The following ATP6V0A2 variants were observed in gnomAD, a reference collection of about 807,000 sequenced individuals.
ATP6V0A2 encodes the protein V-type proton ATPase 116 kDa subunit a 2.
In ATP6V0A2, 58 loss-of-function variants were observed where a neutral mutation model predicts 104.4. The ratio of observed to expected loss-of-function variants is 0.56; its 90% CI spans 0.45 to 0.69. The LOEUF (loss-of-function observed/expected upper bound fraction) is 0.69, where lower values mean the gene tolerates loss of function less well. Among genes scored for constraint, ATP6V0A2 ranks in the 30% least tolerant of loss-of-function variants. The probability of loss-of-function intolerance (pLI) is 0.00; values close to 1 mark genes in which losing one functional copy is unlikely to be tolerated. For synonymous variants in ATP6V0A2, 376 were observed against 397.9 expected (o/e 0.95, Z 0.65); for missense variants, 938 against 1,062.9 (o/e 0.88, Z 1.63).
chr12:123,740,110 C>T (rs1307848622), intron 9 of ATP6V0A2, among the ~76,000 whole-genome samples: 1 of 151,760 alleles, frequency 6.6e-6, no homozygotes, highest in Non-Finnish European at 1.5e-5. Flanking sequence ...CTGCATTGCA[C>T]TCCAGCCTGA....
At chr12:123,745,296 A>G (rs1011351290) in intron 13 of ATP6V0A2, among the ~76,000 whole-genome samples, 6 of 152,172 alleles carry the variant, frequency 3.9e-5, no homozygotes, top group Non-Finnish European at 5.9e-5. Context: ...TCTTCCTCGT[A>G]TATGTGAACT....
At chr12:123,751,546 C>T (rs961507063) in intron 16 of ATP6V0A2, among the ~76,000 whole-genome samples, 1 of 151,994 alleles carries the variant, frequency 6.6e-6, no homozygotes, top group South Asian at 2.1e-4. Context: ...CCCAGGTACT[C>T]GGGAGGCTGA....
Position 123,712,409 on chromosome 12 carries a change from G to A in ATP6V0A2, c.-157G>A. The A allele has an allele frequency of 2.6e-6, 1 of 389,084 alleles. No homozygotes were observed. 24.1% of individuals were successfully genotyped at this position (389,084 alleles called of 1,614,324 possible). ...GAGCGGCGGCCGCGGTGGCAGAACCGGGGGCGGCCGCTGCAGTCTGGAGCC... is the reference window on the plus strand; with the variant it reads ...GAGCGGCGGCCGCGGTGGCAGAACCAGGGGCGGCCGCTGCAGTCTGGAGCC... On this transcript the variant is annotated 5_prime_UTR_variant, in exon 1 of 20. Transcript: ENST00000330342.
rs1411781432 is a variant in ATP6V0A2 at position 123,758,631 on chromosome 12, C to T, written c.*599C>T. On this transcript the variant is annotated 3_prime_UTR_variant, in exon 20 of 20. Transcript: ENST00000330342. ...CGCCTCCTGGATTCAGGTGATTCTC[C>T]TGTCTCAGCCTCCCGAGTAACTGGG... is the stretch of plus-strand genomic sequence containing the variant. 6.6e-6 allele frequency: 1 copy of T among 152,078 alleles called. No individual in the cohort carries two copies. The highest frequency in any genetic ancestry group is 1.5e-5 in the Non-Finnish European group (1 of 68,146). The allele number at this position is 152,078 out of a possible 1,614,324, so 9.4% of individuals were successfully genotyped here.
At position 123,755,678 on chromosome 12, in the gene ATP6V0A2, T is replaced by C. The variant is rs144080565; in HGVS notation, c.2294-1137T>C. Among the ~76,000 whole-genome samples the C allele has an allele frequency of 6.7e-3, 1,020 of 151,762 alleles. 9 individuals carry two copies. The highest frequency in any genetic ancestry group is 0.023 in the African/African-American group (951 of 41,490). On this transcript the variant is annotated intron_variant, in intron 18 of 19. Transcript: ENST00000330342. ...CTGTTCAAACTACCCTAATAAACTTTTTTTTTTTTTTAAATAACAGACAAA... is the reference window on the plus strand; with the variant it reads ...CTGTTCAAACTACCCTAATAAACTTCTTTTTTTTTTTAAATAACAGACAAA...
rs368324464 is a variant in ATP6V0A2 at position 123,752,436 on chromosome 12, A to G, written c.2175+34A>G. 3.2e-4 allele frequency: 511 copies of G among 1,611,262 alleles called. No individual in the cohort carries two copies. The highest frequency in any genetic ancestry group is 4.1e-4 in the Non-Finnish European group (480 of 1,177,536). On this transcript the variant is annotated intron_variant, in intron 17 of 19. Coordinates refer to ENST00000330342, the MANE Select transcript of ATP6V0A2 (RefSeq NM_012463.4). ...TTTCAACTGCTATTGATAAACTTAG[A>G]TAAGTAACCAAGCTTCCATAGAGAT...
At position 123,751,661 on chromosome 12, in the gene ATP6V0A2, ATAAG is replaced by A. The variant is rs149774917; in HGVS notation, c.2055+436_2055+439del. On this transcript the variant is annotated intron_variant, in intron 16 of 19. Transcript: ENST00000330342. ...AGAGCAAGACTCTGTCTCAAAATAA[ATAAG>A]TAAATGAAACATTGATGTTGAAAGA... Among the ~76,000 whole-genome samples, 1,125 of 152,166 alleles carry A rather than the reference ATAAG, an allele frequency of 7.4e-3. 11 individuals are homozygous for A. Among genetic ancestry groups the A allele is most frequent in the African/African-American group, 0.026 (1,074 of 41,500 alleles).
intron 18 of ATP6V0A2, among the ~76,000 whole-genome samples, chr12:123,755,324 G>A (rs953716975): frequency 4.6e-5 from 7 of 152,040 alleles, no homozygotes; most frequent in Non-Finnish European, 8.8e-5. Context: ...GATCACCTGA[G>A]GTCAGGAGTT....
chr12:123,729,671 G>A (rs931662395), intron 6 of ATP6V0A2, among the ~76,000 whole-genome samples: 2 of 152,106 alleles, frequency 1.3e-5, no homozygotes, highest in Non-Finnish European at 2.9e-5. Flanking sequence ...TCTACTAAAG[G>A]TGGAAAAGGA....
At chr12:123,743,605 A>G (rs1956629888) in intron 9 of ATP6V0A2, among the ~76,000 whole-genome samples, 180 bp from the exon 10 acceptor site, 1 of 151,654 alleles carries the variant, frequency 6.6e-6, no homozygotes, top group South Asian at 2.1e-4. Flanking sequence ...GTGAGCCGAG[A>G]TCACACCATT....
At chr12:123,741,401 A>G (rs1242623960) in intron 9 of ATP6V0A2, among the ~76,000 whole-genome samples, 1 of 151,994 alleles carries the variant, frequency 6.6e-6, no homozygotes, top group Non-Finnish European at 1.5e-5. Context: ...AAAAAAAAAA[A>G]GATTTATGGA....
chr12:123,740,207 T>C (rs867206704), intron 9 of ATP6V0A2, among the ~76,000 whole-genome samples: 4,908 of 147,770 alleles, frequency 0.033, 92 homozygotes, highest in Non-Finnish European at 0.041. Flanking sequence ...TCTCTCTCTT[T>C]TTTTTTTTTT....
At position 123,747,703 on chromosome 12, in the gene ATP6V0A2, A is replaced by C; in HGVS notation, c.1702A>C (p.Ile568Leu). ...LGIIHMTFGV[I>L]LGIFNHLHFR... The stretch of plus-strand genomic sequence containing the variant: ...AATCATTCATATGACTTTTGGAGTC[A>C]TTCTGGGAATATTTAACCACTTGTA... The change falls in exon 14 of 20, where the codon ATT becomes CTT. Residue 568 changes from isoleucine to leucine, a missense_variant. Transcript: ENST00000330342. 6.2e-7 allele frequency: 1 copy of C among 1,603,466 alleles called. No individual in the cohort carries two copies. Among genetic ancestry groups the C allele is most frequent in the Non-Finnish European group, 8.5e-7 (1 of 1,170,336 alleles).
intron 3 of ATP6V0A2, chr12:123,723,297 G>A (rs1956417947): frequency 6.6e-6 from 1 of 152,076 alleles, no homozygotes; most frequent in Admixed American, 6.6e-5. Context: ...GTGCTTGTAA[G>A]GCAAAGCAGA....
At chr12:123,746,436 G>A (rs1436650835) in intron 13 of ATP6V0A2, among the ~76,000 whole-genome samples, 1 of 151,814 alleles carries the variant, frequency 6.6e-6, no homozygotes, top group Non-Finnish European at 1.5e-5. Context: ...TCTTATTTTT[G>A]CAAGGGCAAA....
chr12:123,754,250 G>T (rs1029721476), intron 17 of ATP6V0A2, 170 bp from the exon 18 acceptor site: 2 of 650,022 alleles, frequency 3.1e-6, no homozygotes, highest in African/African-American at 3.6e-5. Flanking sequence ...TAGTGGCAGA[G>T]TGGTGAACAG....
rs759547530 is a variant in ATP6V0A2 at position 123,760,599 on chromosome 12, C to T, written c.*2567C>T. 7 of 152,208 alleles carry T rather than the reference C, an allele frequency of 4.6e-5. No individual in the cohort carries two copies. The highest frequency in any genetic ancestry group is 7.2e-5 in the African/African-American group (3 of 41,454). The allele number at this position is 152,208 out of a possible 1,614,324, so 9.4% of individuals were successfully genotyped here. ...TTTATTTTCCTAAAGATAAATGTCA[C>T]GACACGACATTTCTCAGTTTTTATT... On this transcript the variant is annotated 3_prime_UTR_variant, in exon 20 of 20. Transcript: ENST00000330342.
chr12:123,754,288 A>C, intron 17 of ATP6V0A2, 132 bp from the exon 18 acceptor site: 1 of 744,768 alleles, frequency 1.3e-6, no homozygotes. Flanking sequence ...TGTTCCTCAC[A>C]CTCTAGCGTG....
At chr12:123,742,784 C>T (rs1322068174) in intron 9 of ATP6V0A2, among the ~76,000 whole-genome samples, 2 of 150,848 alleles carry the variant, frequency 1.3e-5, no homozygotes, top group Non-Finnish European at 3.0e-5. Flanking sequence ...TGCAGTGAGC[C>T]GAGATCACAC....
Sources: gnomAD v4.1 joint callset for allele counts (sites outside exome capture counted in the v4.1 genomes callset) on GRCh38, gnomAD v4.1.1 for gene constraint, MANE v1.5 for transcripts, NCBI Gene and HGNC (gene_info 2026-07-23, HGNC 2026-07-21) for gene names.